VCAN: variants seen among roughly 807,000 people sequenced by gnomAD.
VCAN encodes the protein versican core protein.
A neutral mutation model predicts 245.5 loss-of-function variants in VCAN; 44 were observed. That is an observed-to-expected ratio of 0.18 (90% CI 0.14 to 0.23). The LOEUF (loss-of-function observed/expected upper bound fraction) is 0.23. Among genes scored for constraint, VCAN ranks in the 10% least tolerant of loss-of-function variants. The pLI is 1.00. For missense variants in VCAN, 3,793 were observed against 4,057.9 expected (o/e 0.93, Z 1.77); for synonymous variants, 1,413 against 1,437.0 (o/e 0.98, Z 0.38).
intron 12 of VCAN, among the ~76,000 whole-genome samples, chr5:83,561,875 G>A (rs1361160437): frequency 6.6e-6 from 1 of 152,008 alleles, no homozygotes; most frequent in Non-Finnish European, 1.5e-5. Context: ...CAGATGTCTT[G>A]GACATTGAAA....
intron 13 of VCAN, among the ~76,000 whole-genome samples, chr5:83,579,051 T>A (rs771284157): frequency 5.3e-5 from 8 of 152,050 alleles, no homozygotes; most frequent in Non-Finnish European, 1.2e-4. Context: ...GTCTCAGGAG[T>A]TTTAATTTAT....
At chr5:83,517,063 C>T (rs1365633836) in intron 6 of VCAN, among the ~76,000 whole-genome samples, 1 of 152,138 alleles carries the variant, frequency 6.6e-6, no homozygotes, top group Admixed American at 6.6e-5. Flanking sequence ...GAAACAAAGT[C>T]ACATAAATAC....
chr5:83,519,129 T>C (rs1197676610), intron 6 of VCAN, among the ~76,000 whole-genome samples: 1 of 152,200 alleles, frequency 6.6e-6, no homozygotes, highest in African/African-American at 2.4e-5. Context: ...TGATAACCCT[T>C]ATAACGTAAA....
intron 7 of VCAN, among the ~76,000 whole-genome samples, chr5:83,533,276 G>A (rs149426011): frequency 6.6e-6 from 1 of 152,220 alleles, no homozygotes; most frequent in African/African-American, 2.4e-5. Context: ...CGAGGTGGGT[G>A]GAGAAAGGAA....
intron 10 of VCAN, among the ~76,000 whole-genome samples, chr5:83,552,056 T>C (rs1747491795): frequency 6.6e-6 from 1 of 152,144 alleles, no homozygotes; most frequent in Non-Finnish European, 1.5e-5. Context: ...ACAGGCCTGA[T>C]AGACTAAACT....
At chr5:83,556,672 G>C (rs1747678740) in intron 12 of VCAN, among the ~76,000 whole-genome samples, 1 of 152,026 alleles carries the variant, frequency 6.6e-6, no homozygotes, top group Non-Finnish European at 1.5e-5. Flanking sequence ...GCTGTACTTA[G>C]GGGGATAATA....
chr5:83,533,052 A>G (rs1746580157), intron 7 of VCAN, among the ~76,000 whole-genome samples: 2 of 152,162 alleles, frequency 1.3e-5, no homozygotes, highest in Admixed American at 1.3e-4. Flanking sequence ...TCATATTGTA[A>G]ACCTCAAATA....
chr5:83,476,672 CTG>C (rs919729271), intron 1 of VCAN, among the ~76,000 whole-genome samples: 3 of 151,864 alleles, frequency 2.0e-5, no homozygotes, highest in South Asian at 2.1e-4. Flanking sequence ...TATATAAAGT[CTG>C]TGTGTGTGTG....
chr5:83,529,026 A>ACACACACG (rs1491224642), intron 7 of VCAN, among the ~76,000 whole-genome samples: 1 of 151,148 alleles, frequency 6.6e-6, no homozygotes, highest in Non-Finnish European at 1.5e-5. Context: ...ACACACACAC[A>ACACACACG]TATATGTATA....
chr5:83,481,990 G>T (rs1025828265), intron 1 of VCAN, among the ~76,000 whole-genome samples: 2 of 152,134 alleles, frequency 1.3e-5, no homozygotes, highest in African/African-American at 4.8e-5. Context: ...CAGGGTCCCA[G>T]CTGAAAAATA....
chr5:83,564,465 A>G (rs905078524), intron 12 of VCAN, among the ~76,000 whole-genome samples: 5 of 152,194 alleles, frequency 3.3e-5, no homozygotes, highest in Non-Finnish European at 7.3e-5. Context: ...TGTGATCCTG[A>G]AAGTTAAATG....
rs375079441 is a variant in VCAN at position 83,514,980 on chromosome 5, C to T, written c.1042+2584C>T. On this transcript the variant is annotated intron_variant, in intron 6 of 14. Transcript: ENST00000265077. Reference sequence around the variant, plus strand: ...ATTTTTCTTGTTTGCTTCTACCAAACGTAGAAAGTGTTTTTTAAGTCACTT... The same window carrying T: ...ATTTTTCTTGTTTGCTTCTACCAAATGTAGAAAGTGTTTTTTAAGTCACTT... 1.1e-4 allele frequency among the ~76,000 whole-genome samples: 17 copies of T among 152,204 alleles called. No individual in the cohort carries two copies. The East Asian group carries it at 2.9e-3, about 26-fold the overall frequency.
At chr5:83,544,338 G>C (rs1003598726) in intron 8 of VCAN, among the ~76,000 whole-genome samples, 1 of 152,108 alleles carries the variant, frequency 6.6e-6, no homozygotes, top group Non-Finnish European at 1.5e-5. Flanking sequence ...CCCAAACATG[G>C]GAATGTGTAC....
intron 10 of VCAN, among the ~76,000 whole-genome samples, chr5:83,549,850 T>C (rs1561264368): frequency 6.6e-6 from 1 of 152,200 alleles, no homozygotes; most frequent in Non-Finnish European, 1.5e-5. Context: ...AAGATTTTTT[T>C]CCTCTTTTCA....
At chr5:83,474,003 A>G (rs33606) in intron 1 of VCAN, among the ~76,000 whole-genome samples, 150,756 of 152,210 alleles carry the variant, frequency 0.99, 74,659 homozygotes, top group Middle Eastern at 1. Context: ...GCACATGGCC[A>G]GGGTGGAGCC....
chr5:83,541,408 C>G lies in VCAN; in HGVS notation c.8405C>G (p.Ser2802Cys). The change falls in exon 8 of 15, where the codon TCC becomes TGC. Residue 2802 changes from serine (S) to cysteine (C), a missense_variant. Physicochemically the swap from Ser to Cys is moderately radical, Grantham distance 112. Coordinates refer to ENST00000265077, the MANE Select transcript of VCAN (RefSeq NM_004385.5). ...VTEVPDVMEG[S>C]NPPYYTDTTL... ...GAGGTGCCTGATGTGATGGAAGGAT[C>G]CAATCCCCCATATTACACTGATACA... 2.5e-6 allele frequency: 4 copies of G among 1,614,024 alleles called. No homozygotes were observed. Among genetic ancestry groups the G allele is most frequent in the Non-Finnish European group, 2.5e-6 (3 of 1,179,980 alleles).
chr5:83,504,384 A>ATTT (rs557999767), intron 5 of VCAN, among the ~76,000 whole-genome samples: 2 of 140,966 alleles, frequency 1.4e-5, no homozygotes, highest in Non-Finnish European at 3.1e-5. Context: ...ACCTTGATGA[A>ATTT]TTTTTTTTTT....
intron 12 of VCAN, among the ~76,000 whole-genome samples, chr5:83,559,613 A>T (rs1302626635): frequency 6.6e-6 from 1 of 152,074 alleles, no homozygotes; most frequent in Admixed American, 6.6e-5. Flanking sequence ...TCCTTCCAGG[A>T]AGCCTTCCTT....
At position 83,580,148 on chromosome 5, in the gene VCAN, T is replaced by C; in HGVS notation, c.10049T>C (p.Ile3350Thr). The C allele has an allele frequency of 6.2e-7, 1 of 1,614,080 alleles. No individual in the cohort carries two copies. The highest frequency in any genetic ancestry group is 1.3e-5 in the African/African-American group (1 of 75,046). ...AATGGAAGATGGGCTATACCTAAAA[T>C]TACCTGCATGAACCGTAAGTGGTCC... ...LGNGRWAIPK[I>T]TCMNPSAYQR... Residue 3350 changes from isoleucine to threonine, a missense_variant, in exon 14 of 15, where the codon ATT becomes ACT. Coordinates refer to ENST00000265077, the MANE Select transcript of VCAN (RefSeq NM_004385.5).
Sources: gnomAD v4.1 joint callset for allele counts (sites outside exome capture counted in the v4.1 genomes callset) on GRCh38, gnomAD v4.1.1 for gene constraint, MANE v1.5 for transcripts, NCBI Gene and HGNC (gene_info 2026-07-23, HGNC 2026-07-21) for gene names.